Variants in SMAD3 observed in about 807,000 individuals in gnomAD.
SMAD3 encodes the protein SMAD family member 3.
Under a neutral mutation model 51.8 loss-of-function variants are expected in SMAD3, and 12 were observed. The ratio of observed to expected loss-of-function variants is 0.23; its 90% confidence interval spans 0.15 to 0.38. SMAD3 has a LOEUF of 0.38. Among genes scored for constraint, SMAD3 ranks in the 10% least tolerant of loss-of-function variants. SMAD3 has a pLI of 1.00. For missense variants in SMAD3, 294 were observed against 565.6 expected, an observed-to-expected ratio of 0.52 and a Z score of 4.87; for synonymous variants, 238 against 227.7, an observed-to-expected ratio of 1.05 and a Z score of -0.41.
At chr15:67,082,764 C>T (rs185091052) in intron 1 of SMAD3, among the ~76,000 whole-genome samples, 1 of 152,292 alleles carries the variant, frequency 6.6e-6, no homozygotes, top group Non-Finnish European at 1.5e-5. Context: ...CATTCCAATT[C>T]AGAGAAAACA....
At chr15:67,090,497 C>T (rs1208439160) in intron 1 of SMAD3, among the ~76,000 whole-genome samples, 2 of 152,020 alleles carry the variant, frequency 1.3e-5, no homozygotes, top group Non-Finnish European at 2.9e-5. Flanking sequence ...CAGTGACTTG[C>T]GCAAGTCATT....
intron 1 of SMAD3, among the ~76,000 whole-genome samples, chr15:67,155,577 T>C (rs1381066741): frequency 1.3e-5 from 2 of 152,218 alleles, no homozygotes; most frequent in East Asian, 3.8e-4. Context: ...TTTTTCTGCC[T>C]TCCCAGAAGG....
intron 1 of SMAD3, among the ~76,000 whole-genome samples, chr15:67,091,257 A>G (rs1489268534): frequency 6.6e-6 from 1 of 152,236 alleles, no homozygotes; most frequent in Non-Finnish European, 1.5e-5. Context: ...TCCAGGCCCC[A>G]GTCTCCTCTG....
chr15:67,174,953 A>G (rs1288039345), intron 5 of SMAD3, among the ~76,000 whole-genome samples: 6 of 152,220 alleles, frequency 3.9e-5, no homozygotes, highest in Admixed American at 3.3e-4. Context: ...GACCTGGCTC[A>G]GCATCCTGCC....
chr15:67,133,030 C>T (rs1253515704), intron 1 of SMAD3, among the ~76,000 whole-genome samples: 3 of 152,202 alleles, frequency 2.0e-5, no homozygotes, highest in Non-Finnish European at 4.4e-5. Context: ...TTTTGCACTT[C>T]CTTGCTTGTC....
intron 1 of SMAD3, among the ~76,000 whole-genome samples, chr15:67,083,563 G>A (rs1489511392): frequency 6.6e-6 from 1 of 152,168 alleles, no homozygotes; most frequent in Admixed American, 6.5e-5. Context: ...CAAACCATAT[G>A]CTGGACATCA....
intron 5 of SMAD3, chr15:67,174,219 C>T (rs1962829080): frequency 6.6e-6 from 1 of 152,488 alleles, no homozygotes; most frequent in Non-Finnish European, 1.5e-5. Flanking sequence ...GCCTTCCTCC[C>T]ATGCACTGAT....
intron 1 of SMAD3, among the ~76,000 whole-genome samples, chr15:67,088,736 G>A (rs542587127): frequency 1.3e-5 from 2 of 152,178 alleles, no homozygotes; most frequent in Admixed American, 6.5e-5. Context: ...AGACCAGCCC[G>A]ACCAATATGG....
At chr15:67,120,152 C>G (rs940851673) in intron 1 of SMAD3, among the ~76,000 whole-genome samples, 10 of 152,166 alleles carry the variant, frequency 6.6e-5, no homozygotes, top group African/African-American at 2.4e-4. Flanking sequence ...TTTCTAGGAC[C>G]TCCCCACTTT....
intron 8 of SMAD3, among the ~76,000 whole-genome samples, chr15:67,189,929 G>A (rs771802589): frequency 3.4e-4 from 51 of 151,954 alleles, no homozygotes; most frequent in Non-Finnish European, 8.8e-5. Flanking sequence ...GGACACTGTT[G>A]GCGCTTTGTA....
At chr15:67,163,935 T>A in intron 1 of SMAD3, among the ~76,000 whole-genome samples, 1 of 100,138 alleles carries the variant, frequency 1.0e-5, no homozygotes. Context: ...CAACACCCTG[T>A]ATCAAAAGTA....
At chr15:67,116,404 A>T (rs1961135966) in intron 1 of SMAD3, among the ~76,000 whole-genome samples, 1 of 152,188 alleles carries the variant, frequency 6.6e-6, no homozygotes, top group Non-Finnish European at 1.5e-5. Context: ...AAAACTGATC[A>T]TGTGGCCTCC....
At chr15:67,095,222 A>G (rs763403783) in intron 1 of SMAD3, among the ~76,000 whole-genome samples, 2 of 152,148 alleles carry the variant, frequency 1.3e-5, no homozygotes, top group Non-Finnish European at 2.9e-5. Flanking sequence ...AAGGTTAAAG[A>G]AGGCCAGTGA....
At chr15:67,157,373 G>A (rs1270945717) in intron 1 of SMAD3, among the ~76,000 whole-genome samples, 1 of 152,180 alleles carries the variant, frequency 6.6e-6, no homozygotes, top group Non-Finnish European at 1.5e-5. Flanking sequence ...AAAAAGCGCT[G>A]TTCATCCAAC....
chr15:67,131,835 C>T (rs1472972808), intron 1 of SMAD3, among the ~76,000 whole-genome samples: 2 of 152,188 alleles, frequency 1.3e-5, no homozygotes, highest in African/African-American at 4.8e-5. Flanking sequence ...TCCTCTTCTG[C>T]AGAAATCACC....
chr15:67,145,567 G>A (rs1363919785), intron 1 of SMAD3, among the ~76,000 whole-genome samples: 4 of 152,168 alleles, frequency 2.6e-5, no homozygotes, highest in Admixed American at 2.6e-4. Flanking sequence ...TTCAGGAGTG[G>A]ATGTTCGGCA....
At position 67,195,029 on chromosome 15, in the gene SMAD3, G is replaced by A. The variant is rs1963467357; in HGVS notation, c.*4493G>A. 1 of 233,548 alleles carries A rather than the reference G, an allele frequency of 4.3e-6. No individual in the cohort carries two copies. The highest frequency in any genetic ancestry group is 5.6e-5 in the Admixed American group (1 of 17,782). 14.5% of individuals were successfully genotyped at this position (233,548 alleles called of 1,614,324 possible). ...TGTAAAAAGCATGTATGTATTTATA[G>A]TGTTTTAGATTTTTCTAACTTTTAT... On this transcript the variant is annotated 3_prime_UTR_variant, in exon 9 of 9. Transcript: ENST00000327367.
intron 3 of SMAD3, chr15:67,166,561 C>T (rs1962594773): frequency 1.6e-6 from 1 of 626,866 alleles, no homozygotes; most frequent in Non-Finnish European, 2.9e-6. Flanking sequence ...TTGATCCGGT[C>T]CTGCGTGAGC....
chr15:67,097,949 G>C (rs1438490479), intron 1 of SMAD3, among the ~76,000 whole-genome samples: 1 of 152,128 alleles, frequency 6.6e-6, no homozygotes, highest in Non-Finnish European at 1.5e-5. Context: ...AGTGTTTGAA[G>C]GTCTTCAAGG....
Sources: gnomAD v4.1 joint callset for allele counts (sites outside exome capture counted in the v4.1 genomes callset) on GRCh38, gnomAD v4.1.1 for gene constraint, MANE v1.5 for transcripts, NCBI Gene and HGNC (gene_info 2026-07-23, HGNC 2026-07-21) for gene names.